The following COL20A1 variants were observed in gnomAD, a reference collection of about 807,000 sequenced individuals.
The protein encoded by COL20A1 is collagen alpha-1(XX) chain.
In COL20A1, 164 loss-of-function variants were observed where a neutral mutation model predicts 152.9. The observed-to-expected ratio is 1.07, with a 90% CI of 0.94 to 1.22. The LOEUF is 1.22. Ranked by LOEUF, COL20A1 falls within the 50% of genes most tolerant of loss-of-function variation. COL20A1 has a pLI of 0.00. For synonymous variants in COL20A1, 864 were observed against 756.0 expected, an observed-to-expected ratio of 1.14 and a Z score of -2.34; for missense variants, 1,873 against 1,744.8, an observed-to-expected ratio of 1.07 and a Z score of -1.31.
chr20:63,320,188 T>C lies in COL20A1; in HGVS notation c.3066T>C (p.Ser1022=). 6.3e-7 allele frequency: 1 copy of C among 1,578,280 alleles called. No individual in the cohort carries two copies. The highest frequency in any genetic ancestry group is 8.6e-7 in the Non-Finnish European group (1 of 1,164,968). Residue 1022 remains serine (S), a synonymous_variant, in exon 24 of 36, where the codon AGT becomes AGC. Coordinates refer to ENST00000358894, the MANE Select transcript of COL20A1 (RefSeq NM_020882.4). ...RLAKARGPRS[S]SAAFQLQMLQ... The stretch of plus-strand genomic sequence containing the variant: ...CCAAGGCCAGGGGCCCCCGGAGCAG[T>C]TCGGCCGCGGTGAGTTGGGCCCTGC...
In COL20A1 at chr20:63,328,294, C is replaced by T. The variant is rs775612768; in HGVS notation, c.3614-37C>T. On this transcript the variant is annotated intron_variant, in intron 33 of 35. Coordinates refer to ENST00000358894, the MANE Select transcript of COL20A1 (RefSeq NM_020882.4). ...CTGCACAGGCCTCGCATCCCCGGGTCCCCACTGTGTCCTGCTGACACCCCT... is the reference window on the plus strand; with the variant it reads ...CTGCACAGGCCTCGCATCCCCGGGTTCCCACTGTGTCCTGCTGACACCCCT... The T allele has an allele frequency of 2.6e-5, 42 of 1,590,198 alleles. No individual in the cohort carries two copies. The East Asian group carries it at 8.6e-4, about 33-fold the overall frequency.
intron 1 of COL20A1, among the ~76,000 whole-genome samples, chr20:63,294,326 G>A (rs1347872250): frequency 1.3e-5 from 2 of 151,388 alleles, no homozygotes; most frequent in Non-Finnish European, 3.0e-5. Flanking sequence ...CCACCTCTCC[G>A]AGTGGCACCT....
At chr20:63,326,475 C>T (rs1326980108) in intron 30 of COL20A1, among the ~76,000 whole-genome samples, 1 of 152,198 alleles carries the variant, frequency 6.6e-6, no homozygotes, top group African/African-American at 2.4e-5. Context: ...AGGGGAAGCC[C>T]AACTTGCAGT....
At position 63,309,332 on chromosome 20, in the gene COL20A1, G is replaced by A; in HGVS notation, c.941-1G>A. 1 of 1,484,438 alleles carries A rather than the reference G, an allele frequency of 6.7e-7. No homozygotes were observed. The highest frequency in any genetic ancestry group is 9.0e-7 in the Non-Finnish European group (1 of 1,110,656). The allele number at this position is 1,484,438 out of a possible 1,614,324, so 92.0% of individuals were successfully genotyped here. A position where few individuals can be genotyped will look rare whatever the true frequency, so the allele number is the denominator to read the frequency against. ...AACCCCACCTCCCTCCTCACGAGCA[G>A]GTGTGAAGAACGCCGATGAGGCTGA... On this transcript the variant is annotated splice_acceptor_variant, in intron 8 of 35. Transcript: ENST00000358894. LOFTEE classifies it high-confidence loss of function.
Position 63,306,099 on chromosome 20 carries a change from A to G in COL20A1, c.496+60A>G. On this transcript the variant is annotated intron_variant, in intron 5 of 35. Coordinates refer to ENST00000358894, the MANE Select transcript of COL20A1 (RefSeq NM_020882.4). The surrounding 1 kb of genome is among the most constrained non-coding windows in gnomAD (Gnocchi z 6.9). ...GAGGGAGTGACCTTTGGTTTCCCAC[A>G]TTTCCCACCATGAGGCCAGGAAGTT... 1 of 1,443,046 alleles carries G rather than the reference A, an allele frequency of 6.9e-7. No individual in the cohort carries two copies. Among genetic ancestry groups the G allele is most frequent in the Non-Finnish European group, 9.4e-7 (1 of 1,066,022 alleles). 89.4% of individuals were successfully genotyped at this position (1,443,046 alleles called of 1,614,324 possible).
intron 15 of COL20A1, 83 bp downstream of exon 15, chr20:63,312,632 T>A (rs1253861585): frequency 1.3e-6 from 2 of 1,486,724 alleles, no homozygotes; most frequent in East Asian, 4.6e-5. Context: ...ATCAAGTGTT[T>A]TGGGAGCCTG....
chr20:63,306,194 G>A lies in COL20A1; in HGVS notation c.496+155G>A, dbSNP rs1240417767. 1.4e-5 allele frequency: 8 copies of A among 588,614 alleles called. No homozygotes were observed. The highest frequency in any genetic ancestry group is 3.0e-5 in the East Asian group (1 of 33,116). 36.5% of individuals were successfully genotyped at this position (588,614 alleles called of 1,614,324 possible). A position where few individuals can be genotyped will look rare whatever the true frequency, so the allele number is the denominator to read the frequency against. The stretch of plus-strand genomic sequence containing the variant: ...AGTTCTTCCTCGTGTCTGACCACAC[G>A]GTCTCTGACCACGAGGCCGGGAAGT... On this transcript the variant is annotated intron_variant, in intron 5 of 35. Coordinates refer to ENST00000358894, the MANE Select transcript of COL20A1 (RefSeq NM_020882.4). The surrounding 1 kb of genome is among the most constrained non-coding windows in gnomAD (Gnocchi z 6.9).
chr20:63,326,654 C>G, intron 30 of COL20A1, 98 bp from the exon 31 acceptor site: 1 of 776,764 alleles, frequency 1.3e-6, no homozygotes, highest in South Asian at 2.3e-5. Flanking sequence ...CCGCCCTTGT[C>G]AGGTCAGGGG....
In COL20A1 at chr20:63,313,286, G is replaced by A. The variant is rs1204834639; in HGVS notation, c.2209+37G>A. 1.3e-6 allele frequency: 2 copies of A among 1,582,424 alleles called. No individual in the cohort carries two copies. Among genetic ancestry groups the A allele is most frequent in the Admixed American group, 1.7e-5 (1 of 58,538 alleles). On this transcript the variant is annotated intron_variant, in intron 17 of 35. Coordinates refer to ENST00000358894, the MANE Select transcript of COL20A1 (RefSeq NM_020882.4). This position sits in a 1 kb window ranked among gnomAD's most constrained non-coding sequence, Gnocchi z 5.9. Reference sequence around the variant, plus strand: ...TCCACTTCCCCTCTGCTGGGTGTGGGGCAGGGATGGCCCAGGGGATCCCTG... The same window carrying A: ...TCCACTTCCCCTCTGCTGGGTGTGGAGCAGGGATGGCCCAGGGGATCCCTG...
At position 63,320,333 on chromosome 20, in the gene COL20A1, G is replaced by A; in HGVS notation, c.3118G>A (p.Ala1040Thr). ...MLQIVCSDTW[A>T]DEDRCCELPA... ...GCAGATCGTGTGCAGTGACACCTGGGCCGATGAGGACCGGTGCTGTGAGCT... is the reference window on the plus strand; with the variant it reads ...GCAGATCGTGTGCAGTGACACCTGGACCGATGAGGACCGGTGCTGTGAGCT... Residue 1040 changes from alanine (A) to threonine (T), a missense_variant, in exon 25 of 36, where the codon GCC becomes ACC. Transcript: ENST00000358894. The A allele has an allele frequency of 6.2e-7, 1 of 1,611,254 alleles. No individual in the cohort carries two copies. Among genetic ancestry groups the A allele is most frequent in the Non-Finnish European group, 8.5e-7 (1 of 1,179,850 alleles).
At chr20:63,324,592 T>C (rs1193633462) in intron 27 of COL20A1, 1 of 152,368 alleles carries the variant, frequency 6.6e-6, no homozygotes, top group East Asian at 1.9e-4. Flanking sequence ...AGCTATTAAT[T>C]GTAGGATATC....
At chr20:63,318,545 A>AC (rs2068114276) in intron 21 of COL20A1, among the ~76,000 whole-genome samples, 1 of 152,014 alleles carries the variant, frequency 6.6e-6, no homozygotes, top group South Asian at 2.1e-4. Context: ...AATGAGTGTG[A>AC]GTCGGGGGAG....
Position 63,305,370 on chromosome 20 carries a change from C to G in COL20A1, c.194-47C>G, listed in dbSNP as rs1380778700. ...TTCACTCCCCGCCGTGACAGATGCA[C>G]ACACGTGTGCACCTTGGCCTCTAAA... On this transcript the variant is annotated intron_variant, in intron 3 of 35. Transcript: ENST00000358894. This position sits in a 1 kb window ranked among gnomAD's most constrained non-coding sequence, Gnocchi z 4.9. 2.1e-6 allele frequency: 3 copies of G among 1,397,528 alleles called. No individual in the cohort carries two copies. The highest frequency in any genetic ancestry group is 2.8e-6 in the Non-Finnish European group (3 of 1,072,580). 86.6% of individuals were successfully genotyped at this position (1,397,528 alleles called of 1,614,324 possible).
chr20:63,307,793 C>G, intron 6 of COL20A1, 145 bp downstream of exon 6: 1 of 1,197,934 alleles, frequency 8.3e-7, no homozygotes, highest in Non-Finnish European at 1.2e-6. Flanking sequence ...ATGGGGTGTT[C>G]TGGGGACCCC....
chr20:63,308,033 G>A lies in COL20A1; in HGVS notation c.718G>A (p.Glu240Lys), dbSNP rs2067950932. The part of the protein sequence containing the change: ...EWDLNSLSTK[E>K]QVLAAVRRLR... ...GGACCTGAACTCCCTCAGCACCAAG[G>A]AACAGGTGCTGGCAGCTGTGCGCCG... Residue 240 changes from glutamate (E) to lysine (K), a missense_variant, in exon 7 of 36, where the codon GAA becomes AAA. Transcript: ENST00000358894. 6.2e-7 allele frequency: 1 copy of A among 1,612,342 alleles called. No homozygotes were observed. The highest frequency in any genetic ancestry group is 8.5e-7 in the Non-Finnish European group (1 of 1,179,552).
chr20:63,310,859 G>A (rs770639296), intron 11 of COL20A1, among the ~76,000 whole-genome samples: 3 of 152,088 alleles, frequency 2.0e-5, no homozygotes, highest in East Asian at 3.9e-4. Context: ...CCATGAGCCC[G>A]TCTGTAATAG....
rs1033639107 is a variant in COL20A1 at position 63,333,992 on chromosome 20, A to G, written c.*3276A>G. The G allele has an allele frequency of 1.3e-5, 2 of 152,300 alleles. No homozygotes were observed. Among genetic ancestry groups the G allele is most frequent in the Non-Finnish European group, 2.9e-5 (2 of 68,090 alleles). 9.4% of individuals were successfully genotyped at this position (152,300 alleles called of 1,614,324 possible). On this transcript the variant is annotated 3_prime_UTR_variant, in exon 36 of 36. Transcript: ENST00000358894. The stretch of plus-strand genomic sequence containing the variant: ...CATTTCTTGGGGAAGGGCGTGGAAC[A>G]TTTGGACTTGAGCCCCAGCACAGAG...
chr20:63,328,134 C>G lies in COL20A1; in HGVS notation c.3613+7C>G. Reference sequence around the variant, plus strand: ...CAGCTTGTGAGCCAGGCCTGTGAGTCTGCCATTCAGAGTGAGTGAGGCCAG... The same window carrying G: ...CAGCTTGTGAGCCAGGCCTGTGAGTGTGCCATTCAGAGTGAGTGAGGCCAG... On this transcript the variant is annotated splice_region_variant and intron_variant, in intron 33 of 35. Transcript: ENST00000358894. 6.2e-7 allele frequency: 1 copy of G among 1,613,034 alleles called. No individual in the cohort carries two copies. Among genetic ancestry groups the G allele is most frequent in the Admixed American group, 1.7e-5 (1 of 59,984 alleles).
Position 63,333,958 on chromosome 20 carries a change from G to C in COL20A1, c.*3242G>C, listed in dbSNP as rs2068363397. On this transcript the variant is annotated 3_prime_UTR_variant, in exon 36 of 36. Coordinates refer to ENST00000358894, the MANE Select transcript of COL20A1 (RefSeq NM_020882.4). ...ATGGTGGGGGAAGCCAGTGTCTGTA[G>C]ATTCAGTGCATTTCTTGGGGAAGGG... The C allele has an allele frequency of 6.6e-6, 1 of 152,322 alleles. No homozygotes were observed. The highest frequency in any genetic ancestry group is 2.1e-4 in the South Asian group (1 of 4,836). 9.4% of individuals were successfully genotyped at this position (152,322 alleles called of 1,614,324 possible).
Sources: gnomAD v4.1 joint callset for allele counts (sites outside exome capture counted in the v4.1 genomes callset) on GRCh38, gnomAD v4.1.1 for gene constraint, Gnocchi (gnomAD v3.1) non-coding constraint, MANE v1.5 for transcripts, NCBI Gene and HGNC (gene_info 2026-07-23, HGNC 2026-07-21) for gene names.